Variants in SPAG16 observed in about 807,000 individuals in gnomAD.
SPAG16 encodes sperm associated antigen 16, also known as sperm-associated antigen 16 protein.
Under a neutral mutation model 80.4 loss-of-function variants are expected in SPAG16, and 86 were observed. The observed-to-expected ratio is 1.07, with a 90% CI of 0.90 to 1.28. The LOEUF is 1.28. Ranked by LOEUF, SPAG16 falls within the 50% of genes most tolerant of loss-of-function variation. The pLI is 0.00. For synonymous variants in SPAG16, 294 were observed against 265.9 expected (o/e 1.11, Z -1.03); for missense variants, 870 against 765.3 (o/e 1.14, Z -1.61).
intron 10 of SPAG16, among the ~76,000 whole-genome samples, chr2:213,574,189 GA>G (rs1299627383): frequency 6.6e-6 from 1 of 152,060 alleles, no homozygotes; most frequent in Non-Finnish European, 1.5e-5. Flanking sequence ...GTACTTTGTA[GA>G]AAAACTGTCT....
intron 9 of SPAG16, among the ~76,000 whole-genome samples, chr2:213,413,036 A>G (rs1030455162): frequency 2.0e-5 from 3 of 152,152 alleles, no homozygotes; most frequent in African/African-American, 7.2e-5. Flanking sequence ...CTTGAGTTAT[A>G]TTGGGTAATG....
chr2:213,327,084 A>G (rs2063874345), intron 5 of SPAG16, among the ~76,000 whole-genome samples: 1 of 151,764 alleles, frequency 6.6e-6, no homozygotes, highest in African/African-American at 2.4e-5. Flanking sequence ...TGTTTTCTTT[A>G]TGATGTACAC....
At chr2:213,346,103 T>C (rs1258349234) in intron 6 of SPAG16, among the ~76,000 whole-genome samples, 2 of 152,298 alleles carry the variant, frequency 1.3e-5, no homozygotes, top group South Asian at 4.2e-4. Context: ...TCACATCCCT[T>C]GTAAGTTGGA....
In SPAG16 at chr2:214,289,761, A is replaced by G. The variant is rs140622214; in HGVS notation, c.1721-120379A>G. On this transcript the variant is annotated intron_variant, in intron 15 of 15. Coordinates refer to ENST00000331683, the MANE Select transcript of SPAG16 (RefSeq NM_024532.5). ...TCTATAATTTTTTTTAATTCTGTGG[A>G]AAGTGACATTCTTACTTTGATAGGA... Among the ~76,000 whole-genome samples, 957 of 146,020 alleles carry G rather than the reference A, an allele frequency of 6.6e-3. 6 individuals carry two copies. Among genetic ancestry groups the G allele is most frequent in the African/African-American group, 0.024 (896 of 37,046 alleles).
intron 10 of SPAG16, among the ~76,000 whole-genome samples, chr2:213,665,373 C>T (rs1355037229): frequency 6.6e-6 from 1 of 151,802 alleles, no homozygotes; most frequent in African/African-American, 2.4e-5. Flanking sequence ...GCTGGATAAA[C>T]ACACACACAC....
At chr2:213,461,408 G>A (rs181031772) in intron 9 of SPAG16, among the ~76,000 whole-genome samples, 14 of 152,242 alleles carry the variant, frequency 9.2e-5, no homozygotes, top group East Asian at 3.9e-4. Flanking sequence ...AGTGGATAGC[G>A]GAGTGCCATT....
At chr2:213,554,676 A>G (rs2059369969) in intron 10 of SPAG16, among the ~76,000 whole-genome samples, 1 of 152,112 alleles carries the variant, frequency 6.6e-6, no homozygotes, top group East Asian at 1.9e-4. Context: ...ATTATAAAAA[A>G]TAACAAACAA....
intron 12 of SPAG16, among the ~76,000 whole-genome samples, chr2:213,943,331 T>C (rs943623798): frequency 6.6e-6 from 1 of 152,096 alleles, no homozygotes; most frequent in East Asian, 1.9e-4. Flanking sequence ...GAGGGGACTT[T>C]TAAATGTGAA....
chr2:214,260,615 TTCTC>T (rs1691074462), intron 15 of SPAG16, among the ~76,000 whole-genome samples: 1 of 152,154 alleles, frequency 6.6e-6, no homozygotes. Flanking sequence ...TTAAGTCTTG[TTCTC>T]TCTCTCAGCT....
intron 8 of SPAG16, among the ~76,000 whole-genome samples, chr2:213,374,112 G>A (rs889875314): frequency 6.6e-6 from 1 of 152,072 alleles, no homozygotes; most frequent in Non-Finnish European, 1.5e-5. Context: ...ATTTTTTAAC[G>A]TTATTGTGGG....
At chr2:214,088,218 T>A (rs1312511529) in intron 13 of SPAG16, among the ~76,000 whole-genome samples, 2 of 151,704 alleles carry the variant, frequency 1.3e-5, no homozygotes, top group Admixed American at 6.6e-5. Context: ...AAAAAAAAAT[T>A]AGATAAAAGA....
At chr2:214,280,235 C>G (rs1692817201) in intron 15 of SPAG16, among the ~76,000 whole-genome samples, 1 of 152,116 alleles carries the variant, frequency 6.6e-6, no homozygotes, top group South Asian at 2.1e-4. Context: ...ATAAAGAAGA[C>G]ATAGAGAGCT....
At chr2:214,265,730 G>T (rs1329725538) in intron 15 of SPAG16, among the ~76,000 whole-genome samples, 1 of 151,688 alleles carries the variant, frequency 6.6e-6, no homozygotes, top group South Asian at 2.1e-4. Context: ...TTATAGTTTT[G>T]CCTTTTACAT....
At chr2:213,715,100 G>A (rs1474401535) in intron 10 of SPAG16, among the ~76,000 whole-genome samples, 1 of 152,130 alleles carries the variant, frequency 6.6e-6, no homozygotes, top group African/African-American at 2.4e-5. Flanking sequence ...AGACTGGTTT[G>A]GAGGAGTATA....
intron 11 of SPAG16, among the ~76,000 whole-genome samples, chr2:213,899,043 A>G (rs1331143826): frequency 1.3e-5 from 2 of 152,134 alleles, no homozygotes; most frequent in Admixed American, 6.6e-5. Context: ...ATATGATCAT[A>G]TATTTTCTTA....
intron 5 of SPAG16, among the ~76,000 whole-genome samples, chr2:213,324,389 T>C (rs2063756754): frequency 6.6e-6 from 1 of 152,182 alleles, no homozygotes; most frequent in South Asian, 2.1e-4. Flanking sequence ...GGTAGAACAT[T>C]TTTATCTATC....
At chr2:213,612,008 A>G (rs1005598062) in intron 10 of SPAG16, among the ~76,000 whole-genome samples, 3 of 152,184 alleles carry the variant, frequency 2.0e-5, no homozygotes, top group African/African-American at 7.2e-5. Context: ...GACATTAGTA[A>G]TAAAAGTTGC....
chr2:213,576,697 A>G (rs1373719897), intron 10 of SPAG16, among the ~76,000 whole-genome samples: 2 of 152,156 alleles, frequency 1.3e-5, no homozygotes, highest in Non-Finnish European at 2.9e-5. Flanking sequence ...GCTGGAGGCC[A>G]TTATCCTTAG....
chr2:213,844,277 A>G (rs1440971085), intron 10 of SPAG16, among the ~76,000 whole-genome samples: 4 of 152,222 alleles, frequency 2.6e-5, no homozygotes, highest in African/African-American at 9.6e-5. Flanking sequence ...ATCTCAGCCT[A>G]ATTAACATTC....
Sources: allele counts gnomAD v4.1 joint callset (sites outside exome capture counted in the v4.1 genomes callset), GRCh38; gene constraint gnomAD v4.1.1; transcripts MANE v1.5; gene names NCBI Gene and HGNC (gene_info 2026-07-23, HGNC 2026-07-21).